LIN28A: variants seen among roughly 807,000 people sequenced by gnomAD.
LIN28A encodes lin-28 RNA binding posttranscriptional regulator A.
LIN28A carries 11 observed loss-of-function variants against 21.1 expected under a neutral mutation model. That is an observed-to-expected ratio of 0.52 (90% confidence interval 0.33 to 0.86). The LOEUF (loss-of-function observed/expected upper bound fraction) is 0.86. Ranked by LOEUF, LIN28A falls within the 40% of genes least tolerant of loss-of-function variation. LIN28A has a pLI of 0.03. For synonymous variants in LIN28A, 111 were observed against 108.7 expected (o/e 1.02, Z -0.13); for missense variants, 219 against 279.8 (o/e 0.78, Z 1.55).
chr1:26,425,198 G>A (rs1477791811), intron 2 of LIN28A, 105 bp from the exon 3 acceptor site: 1 of 1,085,272 alleles, frequency 9.2e-7, no homozygotes, highest in African/African-American at 1.6e-5. Context: ...AGTAAAATAG[G>A]AGTACCATCA....
At position 26,410,832 on chromosome 1, in the gene LIN28A, T is replaced by A; in HGVS notation, c.-60T>A. The A allele has an allele frequency of 6.3e-7, 1 of 1,589,712 alleles. No individual in the cohort carries two copies. On this transcript the variant is annotated 5_prime_UTR_variant, in exon 1 of 4. Coordinates refer to ENST00000326279, the MANE Select transcript of LIN28A (RefSeq NM_024674.6). Reference sequence around the variant, plus strand: ...CCGAACCAACCCTTTGCCTTCGGACTTCTCCGGGGCCAGCAGCCGCCCGAC... The same window carrying A: ...CCGAACCAACCCTTTGCCTTCGGACATCTCCGGGGCCAGCAGCCGCCCGAC...
chr1:26,417,035 G>A (rs763975904), intron 2 of LIN28A, among the ~76,000 whole-genome samples: 6 of 151,476 alleles, frequency 4.0e-5, no homozygotes, highest in South Asian at 2.1e-4. Context: ...TGATCAAGCC[G>A]GTGGTTGGGT....
intron 2 of LIN28A, among the ~76,000 whole-genome samples, chr1:26,420,927 A>T (rs1380018684): frequency 1.3e-5 from 2 of 152,188 alleles, no homozygotes; most frequent in African/African-American, 2.4e-5. Flanking sequence ...GTGGTGCAGT[A>T]AGTGGCATGA....
In LIN28A at chr1:26,411,677, C is replaced by A; in HGVS notation, c.228+95C>A. 7.8e-7 allele frequency: 1 copy of A among 1,274,542 alleles called. No homozygotes were observed. The highest frequency in any genetic ancestry group is 1.1e-6 in the Non-Finnish European group (1 of 900,148). 79.0% of individuals were successfully genotyped at this position (1,274,542 alleles called of 1,614,324 possible). ...GGCTCGCAGTTGAATTGAGGGCCAT[C>A]GGGAGCCCTCATTATGCATCCCTGT... On this transcript the variant is annotated intron_variant, in intron 2 of 3. Transcript: ENST00000326279. This position sits in a 1 kb window ranked among gnomAD's most constrained non-coding sequence, Gnocchi z 5.4.
intron 2 of LIN28A, among the ~76,000 whole-genome samples, chr1:26,418,514 C>T (rs527323296): frequency 2.3e-4 from 35 of 150,912 alleles, no homozygotes; most frequent in Non-Finnish European, 4.7e-4. Flanking sequence ...CCACTGCACT[C>T]CGGCCTGGGC....
rs573550730 is a variant in LIN28A at position 26,429,194 on chromosome 1, T to C, written c.*2736T>C. The C allele has an allele frequency of 3.7e-4, 60 of 161,094 alleles. 1 individual carries two copies. The South Asian group carries it at 7.7e-3, about 21-fold the overall frequency. 10.0% of individuals were successfully genotyped at this position (161,094 alleles called of 1,614,324 possible). A position where few individuals can be genotyped will look rare whatever the true frequency, so the allele number is the denominator to read the frequency against. On this transcript the variant is annotated 3_prime_UTR_variant, in exon 4 of 4. Transcript: ENST00000326279. ...AAAACAAAACAAAACAAAAACACAC[T>C]ACTGTATTTTGGATGGATCAAACCT...
At chr1:26,420,551 C>T (rs1180995873) in intron 2 of LIN28A, among the ~76,000 whole-genome samples, 3 of 146,006 alleles carry the variant, frequency 2.1e-5, no homozygotes, top group Non-Finnish European at 4.4e-5. Context: ...TTGCAGTGAG[C>T]TGAGATCGTG....
chr1:26,417,408 TTACC>T (rs2075000238), intron 2 of LIN28A, among the ~76,000 whole-genome samples: 1 of 152,140 alleles, frequency 6.6e-6, no homozygotes, highest in Admixed American at 6.5e-5. Context: ...TTACCAAATC[TTACC>T]TCCAGGAATG....
Position 26,425,379 on chromosome 1 carries a change from A to C in LIN28A, c.305A>C (p.Lys102Thr). 1 of 1,614,162 alleles carries C rather than the reference A, an allele frequency of 6.2e-7. No individual in the cohort carries two copies. Among genetic ancestry groups the C allele is most frequent in the Non-Finnish European group, 8.5e-7 (1 of 1,180,024 alleles). ...GAGTTCACCTTTAAGAAGTCAGCCA[A>C]GGGTCTGGAATCCATCCGTGTCACC... ...AVEFTFKKSA[K>T]GLESIRVTGP... Residue 102 changes from lysine to threonine, a missense_variant, in exon 3 of 4, where the codon AAG becomes ACG. Coordinates refer to ENST00000326279, the MANE Select transcript of LIN28A (RefSeq NM_024674.6).
chr1:26,427,396 C>T lies in LIN28A; in HGVS notation c.*938C>T, dbSNP rs1307749311. The stretch of plus-strand genomic sequence containing the variant: ...TTTTTGCCAATAAGAGCTGGCTTTT[C>T]TGCCATAGTGTCCTCTTGAAACCCC... On this transcript the variant is annotated 3_prime_UTR_variant, in exon 4 of 4. Transcript: ENST00000326279. The T allele has an allele frequency of 6.6e-6, 1 of 152,660 alleles. No individual in the cohort carries two copies. Among genetic ancestry groups the T allele is most frequent in the African/African-American group, 2.4e-5 (1 of 41,442 alleles). The allele number at this position is 152,660 out of a possible 1,614,324, so 9.5% of individuals were successfully genotyped here.
At chr1:26,416,698 A>G (rs756161119) in intron 2 of LIN28A, among the ~76,000 whole-genome samples, 6 of 151,822 alleles carry the variant, frequency 4.0e-5, no homozygotes, top group Non-Finnish European at 8.8e-5. Context: ...GCTCACTGCA[A>G]CCTCCACCTC....
intron 2 of LIN28A, among the ~76,000 whole-genome samples, chr1:26,418,313 G>A (rs186061010): frequency 1.5e-3 from 224 of 152,250 alleles, no homozygotes; most frequent in African/African-American, 5.1e-3. Context: ...TTGGGAGGCC[G>A]AGGCGGGTAG....
At chr1:26,420,754 A>G (rs1364278192) in intron 2 of LIN28A, among the ~76,000 whole-genome samples, 1 of 152,154 alleles carries the variant, frequency 6.6e-6, no homozygotes, top group Non-Finnish European at 1.5e-5. Context: ...TTGAGCCAGG[A>G]CTAGGTAAGT....
rs1040471594 is a variant in LIN28A at position 26,426,674 on chromosome 1, G to A, written c.*216G>A. The A allele has an allele frequency of 5.5e-6, 3 of 544,214 alleles. No homozygotes were observed. Among genetic ancestry groups the A allele is most frequent in the Non-Finnish European group, 6.7e-6 (2 of 297,800 alleles). The allele number at this position is 544,214 out of a possible 1,614,324, so 33.7% of individuals were successfully genotyped here. ...CTGTCCAAATGCAAGTGAGGGTTCT[G>A]GGGGCAACCAGGAGGGGGGAATCAC... On this transcript the variant is annotated 3_prime_UTR_variant, in exon 4 of 4. Transcript: ENST00000326279.
intron 2 of LIN28A, among the ~76,000 whole-genome samples, chr1:26,422,524 C>T (rs2075033862): frequency 6.6e-6 from 1 of 150,476 alleles, no homozygotes; most frequent in Admixed American, 6.6e-5. Flanking sequence ...TTTTGAAGTC[C>T]TGTTTTATAG....
chr1:26,418,460 G>A (rs2075009643), intron 2 of LIN28A, among the ~76,000 whole-genome samples: 1 of 151,940 alleles, frequency 6.6e-6, no homozygotes, highest in African/African-American at 2.4e-5. Flanking sequence ...GCAGGAGAAT[G>A]GCGTGAACCC....
chr1:26,417,352 A>T (rs1234423874), intron 2 of LIN28A, among the ~76,000 whole-genome samples: 2 of 152,132 alleles, frequency 1.3e-5, no homozygotes, highest in Non-Finnish European at 2.9e-5. Flanking sequence ...TCCTTGACAC[A>T]CACACCATCG....
In LIN28A at chr1:26,411,338, T is replaced by C. The variant is rs2074957494; in HGVS notation, c.32-48T>C. ...CCCTGCCTGGGGCCCGAGACGGCCC[T>C]CCGATTCCGTGCCCCCCAGCTAAGT... On this transcript the variant is annotated intron_variant, in intron 1 of 3. Transcript: ENST00000326279. The surrounding 1 kb of genome is among the most constrained non-coding windows in gnomAD (Gnocchi z 5.4). The C allele has an allele frequency of 1.4e-6, 2 of 1,478,616 alleles. No homozygotes were observed. The highest frequency in any genetic ancestry group is 1.8e-6 in the Non-Finnish European group (2 of 1,119,210). 91.6% of individuals were successfully genotyped at this position (1,478,616 alleles called of 1,614,324 possible).
At chr1:26,413,117 C>T (rs2074971205) in intron 2 of LIN28A, among the ~76,000 whole-genome samples, 1 of 152,080 alleles carries the variant, frequency 6.6e-6, no homozygotes. Flanking sequence ...TTACAGGAAC[C>T]AGCTTTGAAT....
Sources: gnomAD v4.1 joint callset for allele counts (sites outside exome capture counted in the v4.1 genomes callset) on GRCh38, gnomAD v4.1.1 for gene constraint, Gnocchi (gnomAD v3.1) non-coding constraint, MANE v1.5 for transcripts, NCBI Gene and HGNC (gene_info 2026-07-23, HGNC 2026-07-21) for gene names.